RBL2: variants seen among roughly 807,000 people sequenced by gnomAD.
RBL2 encodes RB transcriptional corepressor like 2.
RBL2 carries 56 observed loss-of-function variants against 126.0 expected under a neutral mutation model. That is an observed-to-expected ratio of 0.44 (90% CI 0.36 to 0.56). The LOEUF is 0.56. Ranked by LOEUF, RBL2 falls within the 20% of genes least tolerant of loss-of-function variation. RBL2 has a pLI of 0.00. For missense variants in RBL2, 1,229 were observed against 1,398.2 expected, an observed-to-expected ratio of 0.88 and a Z score of 1.93; for synonymous variants, 454 against 478.5, an observed-to-expected ratio of 0.95 and a Z score of 0.67.
At chr16:53,450,394 A>G (rs1479595444) in intron 4 of RBL2, among the ~76,000 whole-genome samples, 1 of 152,140 alleles carries the variant, frequency 6.6e-6, no homozygotes, top group Non-Finnish European at 1.5e-5. Context: ...TAAGTGTGAA[A>G]TGCTGAGGTT....
intron 11 of RBL2, among the ~76,000 whole-genome samples, chr16:53,463,893 C>G (rs1021494405): frequency 1.2e-4 from 19 of 152,114 alleles, no homozygotes; most frequent in African/African-American, 4.6e-4. Flanking sequence ...ATAGCACTTA[C>G]TGTAAATACT....
intron 2 of RBL2, among the ~76,000 whole-genome samples, chr16:53,439,954 CAAAAAAAAAAAAAAA>C (rs10591959): frequency 4.3e-5 from 4 of 91,966 alleles, no homozygotes; most frequent in Non-Finnish European, 8.5e-5. Flanking sequence ...ACCTTGTCTC[CAAAAAAAAAAAAAAA>C]AAAAAAAAAG....
At chr16:53,439,954 C>CAAAAAAAAAAAAAAAAAAAAAA (rs10591959) in intron 2 of RBL2, among the ~76,000 whole-genome samples, 1 of 91,966 alleles carries the variant, frequency 1.1e-5, no homozygotes, top group Non-Finnish European at 2.1e-5. Flanking sequence ...ACCTTGTCTC[C>CAAAAAAAAAAAAAAAAAAAAAA]AAAAAAAAAA....
chr16:53,440,063 A>G (rs989930577), intron 2 of RBL2, among the ~76,000 whole-genome samples: 3 of 152,010 alleles, frequency 2.0e-5, no homozygotes, highest in African/African-American at 7.3e-5. Context: ...TTGGAGGCCA[A>G]GGTGTGTGGA....
Position 53,459,564 on chromosome 16 carries a change from C to T in RBL2, c.1293C>T (p.Thr431=). ...CGCATAGCTTGAGTCGTCTTCACAC[C>T]ATGCTGACAGGCCTCAGGAATGCAC... is the stretch of plus-strand genomic sequence containing the variant. ...TATHSLSRLH[T]MLTGLRNAPS... Residue 431 remains threonine, a synonymous_variant, in exon 9 of 22, where the codon ACC becomes ACT. Transcript: ENST00000262133. 2 of 1,604,384 alleles carry T rather than the reference C, an allele frequency of 1.2e-6. No homozygotes were observed. Among genetic ancestry groups the T allele is most frequent in the Non-Finnish European group, 1.7e-6 (2 of 1,177,074 alleles).
chr16:53,451,846 C>A lies in RBL2; in HGVS notation c.766+15C>A. The A allele has an allele frequency of 6.2e-7, 1 of 1,612,428 alleles. No individual in the cohort carries two copies. The highest frequency in any genetic ancestry group is 1.1e-5 in the South Asian group (1 of 90,976). ...TAATTTTAAAGGTAGGTTTGTAAAT[C>A]AAAGATTTTTGGGCAATCTGCGTTT... On this transcript the variant is annotated intron_variant, in intron 5 of 21. Coordinates refer to ENST00000262133, the MANE Select transcript of RBL2 (RefSeq NM_005611.4).
intron 5 of RBL2, among the ~76,000 whole-genome samples, chr16:53,453,072 T>C (rs995071509): frequency 4.6e-5 from 7 of 152,200 alleles, no homozygotes; most frequent in Non-Finnish European, 1.0e-4. Flanking sequence ...CAAATTAAAG[T>C]ATATAATATC....
intron 13 of RBL2, chr16:53,466,789 T>C (rs2058276677): frequency 1.0e-5 from 3 of 300,884 alleles, no homozygotes; most frequent in Non-Finnish European, 1.9e-5. Context: ...GGCCCAGGGG[T>C]TGGGGACTCC....
chr16:53,436,961 G>A (rs921443151), intron 1 of RBL2, among the ~76,000 whole-genome samples: 2 of 152,050 alleles, frequency 1.3e-5, no homozygotes, highest in African/African-American at 2.4e-5. Flanking sequence ...AGAGCTTCGC[G>A]CTCCATTTTG....
intron 3 of RBL2, chr16:53,443,248 G>GTATCT (rs1172983151): frequency 6.5e-6 from 1 of 153,052 alleles, no homozygotes; most frequent in Non-Finnish European, 1.5e-5. Context: ...ATCTGTATCT[G>GTATCT]GATATATATA....
chr16:53,441,827 CT>C (rs2058018972), intron 2 of RBL2, among the ~76,000 whole-genome samples: 1 of 151,772 alleles, frequency 6.6e-6, no homozygotes, highest in Admixed American at 6.6e-5. Flanking sequence ...TTTTCTTTTT[CT>C]TTTTCTTTTT....
chr16:53,472,674 A>G (rs1216073544), intron 17 of RBL2, among the ~76,000 whole-genome samples: 1 of 152,202 alleles, frequency 6.6e-6, no homozygotes, highest in African/African-American at 2.4e-5. Flanking sequence ...ATTTTCTCCC[A>G]TTCGGTGTAT....
At position 53,470,775 on chromosome 16, in the gene RBL2, G is replaced by A. The variant is rs144971281; in HGVS notation, c.2556G>A (p.Arg852=). 3.7e-3 allele frequency: 5,992 copies of A among 1,614,086 alleles called. 11 individuals carry two copies. The highest frequency in any genetic ancestry group is 4.5e-3 in the Non-Finnish European group (5,279 of 1,180,012). Residue 852 remains arginine (R), a synonymous_variant, in exon 17 of 22, where the codon CGG becomes CGA. Coordinates refer to ENST00000262133, the MANE Select transcript of RBL2 (RefSeq NM_005611.4). Reference sequence around the variant, plus strand: ...ACCATTTAGCAGCTGTCCGCCTTCGGGATCTCTGTGCCAAACTAGATATTT... The same window carrying A: ...ACCATTTAGCAGCTGTCCGCCTTCGAGATCTCTGTGCCAAACTAGATATTT... The part of the protein sequence containing the change: ...KVYHLAAVRL[R]DLCAKLDISD...
chr16:53,461,498 A>AAT (rs1555567017), intron 9 of RBL2, among the ~76,000 whole-genome samples: 32 of 151,714 alleles, frequency 2.1e-4, no homozygotes, highest in African/African-American at 7.0e-4. Context: ...TCTCAAAAAA[A>AAT]ATATATATAT....
At position 53,461,787 on chromosome 16, in the gene RBL2, G is replaced by A; in HGVS notation, c.1393G>A (p.Glu465Lys). ...PTQAIANRLK[E>K]MFEIYSQHFQ... ...CCAGGCTATTGCTAACAGACTGAAA[G>A]AAATGTTTGAAATATATTCTCAGCA... Residue 465 changes from glutamate to lysine, a missense_variant, in exon 10 of 22, where the codon GAA becomes AAA. Physicochemically the swap from Glu to Lys is moderately conservative, Grantham distance 56. Around this residue, in one of 2 missense-constraint regions of RBL2, gnomAD observed 1,070 missense variants for 1,274.3 expected, o/e 0.84. Coordinates refer to ENST00000262133, the MANE Select transcript of RBL2 (RefSeq NM_005611.4). The A allele has an allele frequency of 6.2e-7, 1 of 1,610,430 alleles. No homozygotes were observed.
chr16:53,458,880 C>T (rs530097520), intron 8 of RBL2, among the ~76,000 whole-genome samples: 22 of 152,314 alleles, frequency 1.4e-4, no homozygotes, highest in African/African-American at 4.8e-4. Context: ...CCACTGGGTG[C>T]CTCACACAGC....
chr16:53,455,495 T>C (rs2058158370), intron 8 of RBL2, among the ~76,000 whole-genome samples: 1 of 152,226 alleles, frequency 6.6e-6, no homozygotes, highest in South Asian at 2.1e-4. Context: ...TCCTGGACAC[T>C]GGAGATAAAG....
intron 7 of RBL2, chr16:53,454,257 T>G (rs946104390): frequency 2.2e-6 from 1 of 451,072 alleles, no homozygotes; most frequent in Non-Finnish European, 4.4e-6. Context: ...CAGGCTGGAA[T>G]GCAGTGGCAT....
chr16:53,485,396 G>A (rs550084650), intron 21 of RBL2, among the ~76,000 whole-genome samples: 3 of 152,330 alleles, frequency 2.0e-5, no homozygotes, highest in Non-Finnish European at 4.4e-5. Flanking sequence ...TTTGTGGGAT[G>A]TAGCTAAAAC....
Sources: gnomAD v4.1 joint callset for allele counts (sites outside exome capture counted in the v4.1 genomes callset) on GRCh38, gnomAD v4.1.1 for gene constraint, gnomAD v4.1.1 regional missense constraint, MANE v1.5 for transcripts, NCBI Gene and HGNC (gene_info 2026-07-23, HGNC 2026-07-21) for gene names.